Variants in PPP2R2C observed in about 807,000 individuals in gnomAD.
PPP2R2C encodes the protein protein phosphatase 2 regulatory subunit Bgamma.
PPP2R2C carries 10 observed loss-of-function variants against 45.3 expected under a neutral mutation model. The observed-to-expected ratio is 0.22, with a 90% CI of 0.14 to 0.37. PPP2R2C has a LOEUF of 0.37. Ranked by LOEUF, PPP2R2C falls within the 10% of genes least tolerant of loss-of-function variation. The pLI is 1.00. For missense variants in PPP2R2C, 308 were observed against 619.7 expected (o/e 0.50, Z 5.34); for synonymous variants, 257 against 245.4 (o/e 1.05, Z -0.44).
At chr4:6,338,805 C>T (rs995497904) in intron 6 of PPP2R2C, among the ~76,000 whole-genome samples, 7 of 152,144 alleles carry the variant, frequency 4.6e-5, no homozygotes, top group African/African-American at 1.7e-4. Flanking sequence ...CTCCCCCTGC[C>T]TCCCGTAGCC....
chr4:6,348,516 G>A (rs1712218972), intron 5 of PPP2R2C: 14 of 444,150 alleles, frequency 3.2e-5, no homozygotes, highest in Non-Finnish European at 4.2e-5. Flanking sequence ...TCCCCTTCCT[G>A]CCCCCGGCAC....
chr4:6,495,001 G>A (rs1303372235), intron 2 of PPP2R2C, among the ~76,000 whole-genome samples: 1 of 152,194 alleles, frequency 6.6e-6, no homozygotes, highest in Non-Finnish European at 1.5e-5. Flanking sequence ...TCCACGCAGC[G>A]AGGTTGCTGG....
intron 1 of PPP2R2C, among the ~76,000 whole-genome samples, chr4:6,458,243 G>A (rs1366539162): frequency 6.6e-6 from 1 of 152,196 alleles, no homozygotes; most frequent in South Asian, 2.1e-4. Flanking sequence ...TCATCACTGG[G>A]AGTGGCTTAG....
chr4:6,463,444 C>T (rs965694015), intron 1 of PPP2R2C, among the ~76,000 whole-genome samples: 12 of 152,230 alleles, frequency 7.9e-5, no homozygotes, highest in Non-Finnish European at 1.8e-4. Context: ...CTGCTTGCGG[C>T]AGCCCACACC....
At chr4:6,340,806 C>T (rs961482107) in intron 6 of PPP2R2C, among the ~76,000 whole-genome samples, 3 of 152,256 alleles carry the variant, frequency 2.0e-5, no homozygotes, top group Non-Finnish European at 4.4e-5. Flanking sequence ...TCAGAGGAAA[C>T]CCGAAGCTCT....
chr4:6,348,418 G>A (rs1712208346), intron 5 of PPP2R2C, among the ~76,000 whole-genome samples: 1 of 151,992 alleles, frequency 6.6e-6, no homozygotes, highest in Admixed American at 6.6e-5. Flanking sequence ...TGCATGCTGG[G>A]CAGTGGATGC....
In PPP2R2C at chr4:6,329,203, CTGCAGGGCAG is replaced by C; in HGVS notation, c.1052+49_1052+58del. 1 of 1,529,542 alleles carries C rather than the reference CTGCAGGGCAG, an allele frequency of 6.5e-7. No individual in the cohort carries two copies. Among genetic ancestry groups the C allele is most frequent in the Non-Finnish European group, 9.0e-7 (1 of 1,108,864 alleles). 94.7% of individuals were successfully genotyped at this position (1,529,542 alleles called of 1,614,324 possible). ...GTCACCGGAATCCCAGCCCAGACCC[CTGCAGGGCAG>C]AAACCCTCCCTACGGTGAGGTGAGG... is the stretch of plus-strand genomic sequence containing the variant. On this transcript the variant is annotated intron_variant, in intron 8 of 8. Transcript: ENST00000382599. This position sits in a 1 kb window ranked among gnomAD's most constrained non-coding sequence, Gnocchi z 5.8.
intron 1 of PPP2R2C, among the ~76,000 whole-genome samples, chr4:6,540,780 TG>T (rs1301337564): frequency 6.6e-6 from 1 of 152,222 alleles, no homozygotes; most frequent in Non-Finnish European, 1.5e-5. Context: ...GAGAGACTGA[TG>T]GGGATACATG....
chr4:6,472,938 G>A (rs913935206), upstream of PPP2R2C, among the ~76,000 whole-genome samples: 3 of 152,112 alleles, frequency 2.0e-5, no homozygotes, highest in Non-Finnish European at 4.4e-5. Context: ...CAGGCAGAAG[G>A]CAGAAAGGAC....
chr4:6,497,286 A>C (rs762798208), intron 2 of PPP2R2C, among the ~76,000 whole-genome samples: 92 of 152,278 alleles, frequency 6.0e-4, no homozygotes, highest in Admixed American at 1.4e-3. Context: ...ACCAGATAGC[A>C]AGGTTGTCAC....
intron 6 of PPP2R2C, among the ~76,000 whole-genome samples, chr4:6,339,365 G>T (rs974365330): frequency 6.6e-6 from 1 of 152,256 alleles, no homozygotes; most frequent in Non-Finnish European, 1.5e-5. Context: ...AGAGAAGCTT[G>T]TGCAGCTGCC....
At chr4:6,423,988 C>A (rs550203642) in intron 1 of PPP2R2C, among the ~76,000 whole-genome samples, 229 of 152,362 alleles carry the variant, frequency 1.5e-3, no homozygotes, top group African/African-American at 5.4e-3. Flanking sequence ...ACCTGGCTGT[C>A]CTGGGGCCAA....
intron 1 of PPP2R2C, among the ~76,000 whole-genome samples, chr4:6,468,273 G>T (rs141506794): frequency 6.6e-6 from 1 of 152,134 alleles, no homozygotes; most frequent in Non-Finnish European, 1.5e-5. Flanking sequence ...AGGAAAACCT[G>T]CCTGCCTGCT....
chr4:6,330,170 G>A lies in PPP2R2C; in HGVS notation c.961-817C>T, dbSNP rs1382843363. Among the ~76,000 whole-genome samples, 1 of 152,178 alleles carries A rather than the reference G, an allele frequency of 6.6e-6. No individual in the cohort carries two copies. Among genetic ancestry groups the A allele is most frequent in the African/African-American group, 2.4e-5 (1 of 41,442 alleles). On this transcript the variant is annotated intron_variant, in intron 7 of 8. Coordinates refer to ENST00000382599, the MANE Select transcript of PPP2R2C (RefSeq NM_020416.4). This position sits in a 1 kb window ranked among gnomAD's most constrained non-coding sequence, Gnocchi z 7.0. The stretch of plus-strand genomic sequence containing the variant: ...CACCTGACTGCAGCCGGTCCTACAA[G>A]CCCTGTACCCGGAGGGCCGCATGAG...
At chr4:6,503,787 T>A (rs1723132812) in intron 2 of PPP2R2C, among the ~76,000 whole-genome samples, 1 of 116,856 alleles carries the variant, frequency 8.6e-6, no homozygotes, top group African/African-American at 3.0e-5. Flanking sequence ...GGAATACTAC[T>A]TGGCAATTAA....
intron 1 of PPP2R2C, among the ~76,000 whole-genome samples, chr4:6,415,676 C>G (rs748607683): frequency 5.9e-5 from 9 of 152,204 alleles, no homozygotes; most frequent in African/African-American, 2.2e-4. Context: ...ACATTCAACC[C>G]TGAATCCTGC....
At chr4:6,409,700 C>T (rs1718026034) in intron 1 of PPP2R2C, among the ~76,000 whole-genome samples, 1 of 152,166 alleles carries the variant, frequency 6.6e-6, no homozygotes, top group Non-Finnish European at 1.5e-5. Flanking sequence ...ATATCCCAGC[C>T]CTGGAGACAC....
intron 1 of PPP2R2C, among the ~76,000 whole-genome samples, chr4:6,394,240 GAT>G (rs549276385): frequency 1.3e-5 from 2 of 152,200 alleles, no homozygotes; most frequent in Non-Finnish European, 2.9e-5. Flanking sequence ...GGGGCTGCCT[GAT>G]TCTCAGTAAG....
intron 1 of PPP2R2C, chr4:6,381,917 A>G (rs1001837832): frequency 6.3e-7 from 1 of 1,579,060 alleles, no homozygotes; most frequent in African/African-American, 1.4e-5. Flanking sequence ...CTCAGGTTCT[A>G]CGAGTCACAG....
Sources: allele counts gnomAD v4.1 joint callset (sites outside exome capture counted in the v4.1 genomes callset), GRCh38; gene constraint gnomAD v4.1.1; non-coding constraint Gnocchi (gnomAD v3.1); transcripts MANE v1.5; gene names NCBI Gene and HGNC (gene_info 2026-07-23, HGNC 2026-07-21).